The following ROBO2 variants were observed in gnomAD, a reference collection of about 807,000 sequenced individuals.
ROBO2 encodes roundabout guidance receptor 2, also known as roundabout homolog 2.
A neutral mutation model predicts 160.8 loss-of-function variants in ROBO2; 53 were observed. The ratio of observed to expected loss-of-function variants is 0.33; its 90% confidence interval spans 0.26 to 0.41. The LOEUF (loss-of-function observed/expected upper bound fraction) is 0.41. Ranked by LOEUF, ROBO2 falls within the 10% of genes least tolerant of loss-of-function variation. The probability of loss-of-function intolerance (pLI) is 1.00; values close to 1 mark genes in which losing one functional copy is unlikely to be tolerated. For missense variants in ROBO2, 1,577 were observed against 1,722.4 expected (o/e 0.92, Z 1.49); for synonymous variants, 664 against 611.7 (o/e 1.09, Z -1.26).
At chr3:76,004,680 C>T (rs942746823) in intron 2 of ROBO2, among the ~76,000 whole-genome samples, 7 of 152,082 alleles carry the variant, frequency 4.6e-5, no homozygotes, top group African/African-American at 1.7e-4. Context: ...GACCTAATCA[C>T]CTTCCAAAGG....
At chr3:77,588,722 A>G (rs200989979) in intron 16 of ROBO2, 29 bp from the exon 18 acceptor site, 410 of 1,602,988 alleles carry the variant, frequency 2.6e-4, no homozygotes, top group Non-Finnish European at 3.0e-4. Flanking sequence ...TCGTTTTAAT[A>G]TATACTAATA....
chr3:76,248,164 T>C (rs1462458184), intron 2 of ROBO2, among the ~76,000 whole-genome samples: 1 of 151,920 alleles, frequency 6.6e-6, no homozygotes, highest in Non-Finnish European at 1.5e-5. Context: ...GGACTATAAA[T>C]CATGCTGCTA....
intron 2 of ROBO2, among the ~76,000 whole-genome samples, chr3:77,238,808 C>T (rs1429419144): frequency 6.6e-6 from 1 of 152,104 alleles, no homozygotes; most frequent in Admixed American, 6.5e-5. Context: ...ATTCAGTATC[C>T]GCTATGTACA....
At chr3:76,286,232 T>C (rs1355377674) in intron 2 of ROBO2, among the ~76,000 whole-genome samples, 1 of 152,142 alleles carries the variant, frequency 6.6e-6, no homozygotes, top group Non-Finnish European at 1.5e-5. Context: ...AGCAATGATA[T>C]TTGTCAAAGT....
chr3:75,970,982 G>T (rs1010164816), intron 2 of ROBO2, among the ~76,000 whole-genome samples: 4 of 150,614 alleles, frequency 2.7e-5, no homozygotes, highest in African/African-American at 9.7e-5. Flanking sequence ...CCTCTTATTT[G>T]TTCTTTGAGA....
chr3:76,907,210 A>G (rs2075666157), intron 2 of ROBO2, among the ~76,000 whole-genome samples: 1 of 152,210 alleles, frequency 6.6e-6, no homozygotes, highest in Non-Finnish European at 1.5e-5. Context: ...AAAGTCATTT[A>G]GGCATTACAT....
At chr3:76,410,970 C>T (rs2108833527) in intron 2 of ROBO2, among the ~76,000 whole-genome samples, 1 of 151,946 alleles carries the variant, frequency 6.6e-6, no homozygotes, top group East Asian at 1.9e-4. Flanking sequence ...ATAAATCCTA[C>T]TTTAAAAGAA....
At chr3:76,349,218 AAAAT>A (rs2074723571) in intron 2 of ROBO2, among the ~76,000 whole-genome samples, 2 of 152,246 alleles carry the variant, frequency 1.3e-5, no homozygotes, top group East Asian at 1.9e-4. Context: ...TATAATTGTG[AAAAT>A]AAATATCAAA....
At chr3:76,737,319 T>C (rs1202596931) in intron 2 of ROBO2, among the ~76,000 whole-genome samples, 2 of 152,128 alleles carry the variant, frequency 1.3e-5, no homozygotes, top group East Asian at 3.9e-4. Context: ...CACAAGTTTT[T>C]TTTTTTCTGG....
intron 2 of ROBO2, among the ~76,000 whole-genome samples, chr3:76,857,066 A>G (rs557405170): frequency 7.3e-5 from 11 of 150,356 alleles, no homozygotes; most frequent in Non-Finnish European, 1.3e-4. Flanking sequence ...GCTCACTGCT[A>G]GCTCCTTCTC....
At chr3:76,979,141 G>A (rs1391391899) in intron 2 of ROBO2, among the ~76,000 whole-genome samples, 9 of 151,866 alleles carry the variant, frequency 5.9e-5, no homozygotes, top group Admixed American at 4.6e-4. Flanking sequence ...GTGGGGTTAC[G>A]CCATGTTGCC....
At chr3:77,211,436 GTTTC>G (rs2084140609) in intron 2 of ROBO2, among the ~76,000 whole-genome samples, 1 of 152,188 alleles carries the variant, frequency 6.6e-6, no homozygotes, top group African/African-American at 2.4e-5. Context: ...TGATGGGGTT[GTTTC>G]TTTCTTGTAA....
chr3:76,006,883 G>A (rs972898062), intron 2 of ROBO2, among the ~76,000 whole-genome samples: 17 of 151,646 alleles, frequency 1.1e-4, no homozygotes, highest in East Asian at 1.9e-4. Context: ...ATCACATACC[G>A]GTCAAGTAAG....
intron 1 of ROBO2, among the ~76,000 whole-genome samples, chr3:77,044,761 C>A (rs945094701): frequency 1.3e-5 from 2 of 152,122 alleles, no homozygotes; most frequent in Non-Finnish European, 2.9e-5. Flanking sequence ...ATGTTTTGCA[C>A]GGATCCTATC....
intron 2 of ROBO2, among the ~76,000 whole-genome samples, chr3:77,252,831 A>AAAAAAAAAAAATATATATAT: frequency 1.6e-4 from 2 of 12,524 alleles, no homozygotes; most frequent in African/African-American, 3.2e-4. Flanking sequence ...AAAAAAAAAA[A>AAAAAAAAAAAATATATATAT]ATATATATAT....
At chr3:76,885,909 G>A (rs1158131166) in intron 2 of ROBO2, among the ~76,000 whole-genome samples, 1 of 152,136 alleles carries the variant, frequency 6.6e-6, no homozygotes, top group Non-Finnish European at 1.5e-5. Context: ...TTCCTTATGT[G>A]CAACCTGAAA....
intron 2 of ROBO2, among the ~76,000 whole-genome samples, chr3:76,024,633 A>G (rs2066678673): frequency 6.6e-6 from 1 of 151,674 alleles, no homozygotes; most frequent in Non-Finnish European, 1.5e-5. Context: ...AAAATTACAT[A>G]GATTCTATTT....
At chr3:76,293,781 C>T (rs988071936) in intron 2 of ROBO2, among the ~76,000 whole-genome samples, 18 of 152,316 alleles carry the variant, frequency 1.2e-4, no homozygotes, top group African/African-American at 4.1e-4. Flanking sequence ...GTTAAAAACA[C>T]ACATCTTTTC....
chr3:76,047,843 A>G (rs1415286562), intron 2 of ROBO2, among the ~76,000 whole-genome samples: 1 of 152,206 alleles, frequency 6.6e-6, no homozygotes, highest in Non-Finnish European at 1.5e-5. Context: ...TTATTACAAT[A>G]AAGAACTCCT....
Sources: allele counts gnomAD v4.1 joint callset (sites outside exome capture counted in the v4.1 genomes callset), GRCh38; gene constraint gnomAD v4.1.1; transcripts MANE v1.5; gene names NCBI Gene and HGNC (gene_info 2026-07-23, HGNC 2026-07-21).